Variants in UBAC2 observed in about 807,000 individuals in gnomAD.
The protein encoded by UBAC2 is UBA domain containing 2.
Under a neutral mutation model 44.0 loss-of-function variants are expected in UBAC2, and 26 were observed. The ratio of observed to expected loss-of-function variants is 0.59; its 90% CI spans 0.43 to 0.82. The LOEUF is 0.82. Among genes scored for constraint, UBAC2 ranks in the 40% least tolerant of loss-of-function variants. The probability of loss-of-function intolerance (pLI) is 0.00; values close to 1 mark genes in which losing one functional copy is unlikely to be tolerated. For synonymous variants in UBAC2, 155 were observed against 154.3 expected (o/e 1.00, Z -0.04); for missense variants, 329 against 419.4 (o/e 0.78, Z 1.88).
At chr13:99,226,348 G>A (rs374480618) in intron 1 of UBAC2, among the ~76,000 whole-genome samples, 65 of 152,208 alleles carry the variant, frequency 4.3e-4, no homozygotes, top group African/African-American at 1.3e-3. Flanking sequence ...CCATGCACCC[G>A]GTTAGTCAGC....
chr13:99,207,176 G>A (rs548091029), intron 1 of UBAC2, among the ~76,000 whole-genome samples: 1 of 152,328 alleles, frequency 6.6e-6, no homozygotes, highest in South Asian at 2.1e-4. Flanking sequence ...TGACCTGGGG[G>A]TTGCATCCTT....
At chr13:99,370,429 C>A (rs2045389703) in intron 8 of UBAC2, among the ~76,000 whole-genome samples, 2 of 152,194 alleles carry the variant, frequency 1.3e-5, no homozygotes. Flanking sequence ...TTTTCAAAAT[C>A]TATAAAAGAA....
chr13:99,355,498 T>C (rs1390128159), intron 7 of UBAC2, among the ~76,000 whole-genome samples: 4 of 152,210 alleles, frequency 2.6e-5, no homozygotes, highest in Admixed American at 1.3e-4. Context: ...GTCCCTGACC[T>C]GCAGCTGGGC....
At chr13:99,371,186 C>T (rs1227393462) in intron 8 of UBAC2, among the ~76,000 whole-genome samples, 1 of 151,524 alleles carries the variant, frequency 6.6e-6, no homozygotes, top group Non-Finnish European at 1.5e-5. Context: ...GTCATTTTTC[C>T]TTGATCATCC....
At chr13:99,217,852 G>A (rs367902368) in intron 1 of UBAC2, among the ~76,000 whole-genome samples, 2 of 152,178 alleles carry the variant, frequency 1.3e-5, no homozygotes, top group South Asian at 2.1e-4. Flanking sequence ...GGGTGGCAGC[G>A]TCCACCGAGC....
chr13:99,292,177 C>T (rs1245346323), intron 4 of UBAC2, among the ~76,000 whole-genome samples: 2 of 151,740 alleles, frequency 1.3e-5, no homozygotes, highest in Non-Finnish European at 2.9e-5. Context: ...GCACTGTCAC[C>T]CAGACTGGAG....
At chr13:99,247,516 T>C (rs2043402020) in intron 4 of UBAC2, among the ~76,000 whole-genome samples, 1 of 151,708 alleles carries the variant, frequency 6.6e-6, no homozygotes, top group African/African-American at 2.4e-5. Context: ...GCCCGGCCTG[T>C]GTTGTTTTTT....
At chr13:99,367,502 C>G (rs950521387) in intron 7 of UBAC2, among the ~76,000 whole-genome samples, 2 of 152,186 alleles carry the variant, frequency 1.3e-5, no homozygotes, top group Non-Finnish European at 2.9e-5. Flanking sequence ...TTAGGAGTGT[C>G]TGTACAGTGT....
chr13:99,352,754 T>A (rs1202330789), intron 7 of UBAC2, among the ~76,000 whole-genome samples: 1 of 152,204 alleles, frequency 6.6e-6, no homozygotes, highest in Non-Finnish European at 1.5e-5. Flanking sequence ...TCCCTGAGCT[T>A]AGAGTAGAAA....
At chr13:99,313,029 T>G (rs1051978093) in intron 4 of UBAC2, 2 of 152,416 alleles carry the variant, frequency 1.3e-5, no homozygotes, top group African/African-American at 4.8e-5. Flanking sequence ...TCGCCCAGGC[T>G]GGAGTGCAGT....
At chr13:99,352,303 A>G (rs2045105431) in intron 7 of UBAC2, among the ~76,000 whole-genome samples, 1 of 151,948 alleles carries the variant, frequency 6.6e-6, no homozygotes, top group Non-Finnish European at 1.5e-5. Flanking sequence ...ATTTTTCATC[A>G]CCCCAAAAGA....
intron 8 of UBAC2, among the ~76,000 whole-genome samples, chr13:99,370,901 C>T (rs1306318426): frequency 6.6e-6 from 1 of 152,160 alleles, no homozygotes; most frequent in Non-Finnish European, 1.5e-5. Flanking sequence ...AGCCCAATAA[C>T]CTGCCATGTG....
intron 4 of UBAC2, among the ~76,000 whole-genome samples, chr13:99,263,467 C>T (rs747357350): frequency 1.3e-5 from 2 of 152,158 alleles, no homozygotes; most frequent in East Asian, 1.9e-4. Flanking sequence ...ATTATCCATT[C>T]GCCAGAATGC....
intron 1 of UBAC2, among the ~76,000 whole-genome samples, chr13:99,213,104 A>G (rs943915830): frequency 6.6e-6 from 1 of 152,190 alleles, no homozygotes; most frequent in Non-Finnish European, 1.5e-5. Context: ...ATATACATAT[A>G]CATATACCTA....
At chr13:99,232,944 A>G (rs931119154) in intron 1 of UBAC2, among the ~76,000 whole-genome samples, 2 of 152,204 alleles carry the variant, frequency 1.3e-5, no homozygotes, top group African/African-American at 2.4e-5. Flanking sequence ...CCTGTCTCAA[A>G]AAAAGAAAAG....
intron 4 of UBAC2, among the ~76,000 whole-genome samples, chr13:99,278,649 G>A (rs2043914719): frequency 6.6e-6 from 1 of 152,140 alleles, no homozygotes; most frequent in Non-Finnish European, 1.5e-5. Flanking sequence ...CAAATTTGAA[G>A]CGATCACATT....
At chr13:99,237,063 C>T (rs1192061044) in intron 1 of UBAC2, among the ~76,000 whole-genome samples, 1 of 152,090 alleles carries the variant, frequency 6.6e-6, no homozygotes, top group African/African-American at 2.4e-5. Context: ...CATATCTGCA[C>T]TTCCATGCTT....
At chr13:99,362,826 C>T (rs11618955) in intron 7 of UBAC2, among the ~76,000 whole-genome samples, 10,626 of 152,208 alleles carry the variant, frequency 0.07, 519 homozygotes, top group East Asian at 0.13. Context: ...AACATTTTCT[C>T]TCAATCTGTA....
intron 1 of UBAC2, among the ~76,000 whole-genome samples, chr13:99,232,394 T>TGC (rs2043182438): frequency 1.8e-5 from 1 of 55,860 alleles, no homozygotes; most frequent in Non-Finnish European, 5.9e-5. Context: ...CATCCTTAGT[T>TGC]GAGAGATATA....
Sources: allele counts gnomAD v4.1 joint callset (sites outside exome capture counted in the v4.1 genomes callset), GRCh38; gene constraint gnomAD v4.1.1; transcripts MANE v1.5; gene names NCBI Gene and HGNC (gene_info 2026-07-23, HGNC 2026-07-21).